The following DEPDC5 variants were observed in gnomAD, a reference collection of about 807,000 sequenced individuals.
The protein encoded by DEPDC5 is GATOR1 complex protein DEPDC5.
In DEPDC5, 73 loss-of-function variants were observed where a neutral mutation model predicts 217.3. That is an observed-to-expected ratio of 0.34 (90% CI 0.28 to 0.41). The LOEUF (loss-of-function observed/expected upper bound fraction) is 0.41. DEPDC5 is among the 10% of genes least tolerant of loss of function. The pLI is 1.00. For synonymous variants in DEPDC5, 733 were observed against 756.7 expected (o/e 0.97, Z 0.51); for missense variants, 1,675 against 2,070.1 (o/e 0.81, Z 3.70).
chr22:31,800,987 C>CT lies in DEPDC5; in HGVS notation c.947-1703dup, dbSNP rs772458096. Among the ~76,000 whole-genome samples, 1,057 of 141,172 alleles carry CT rather than the reference C, an allele frequency of 7.5e-3. 9 individuals carry two copies. Among genetic ancestry groups the CT allele is most frequent in the African/African-American group, 0.022 (846 of 38,616 alleles). The allele number at this position is 141,172 out of a possible 152,430, so 92.6% of individuals were successfully genotyped here. ...AAAGACACTATCTCAAAAAAAAATT[C>CT]TTTTTTTTTTTTTTAAATAAATAGG... On this transcript the variant is annotated intron_variant, in intron 14 of 42. Coordinates refer to ENST00000651528, the MANE Select transcript of DEPDC5 (RefSeq NM_001242896.3).
At chr22:31,882,730 G>C (rs141986686) in intron 38 of DEPDC5, among the ~76,000 whole-genome samples, 3 of 152,144 alleles carry the variant, frequency 2.0e-5, no homozygotes, top group African/African-American at 7.2e-5. Flanking sequence ...ACTATCATTT[G>C]TTCATTCTTT....
chr22:31,905,174 T>C (rs887668373), intron 41 of DEPDC5, among the ~76,000 whole-genome samples: 1 of 152,070 alleles, frequency 6.6e-6, no homozygotes, highest in African/African-American at 2.4e-5. Flanking sequence ...GAGCCCCAGC[T>C]TGGCGTTCCT....
chr22:31,893,786 C>T, intron 39 of DEPDC5, 35 bp downstream of exon 39: 3 of 1,530,974 alleles, frequency 2.0e-6, no homozygotes, highest in Non-Finnish European at 2.6e-6. Flanking sequence ...AGGCCTTTGG[C>T]TCACCTCACA....
chr22:31,815,006 G>C lies in DEPDC5; in HGVS notation c.1460G>C (p.Arg487Pro), dbSNP rs775080915. The C allele has an allele frequency of 6.2e-7, 1 of 1,614,084 alleles. No individual in the cohort carries two copies. The highest frequency in any genetic ancestry group is 8.5e-7 in the Non-Finnish European group (1 of 1,179,966). Reference protein sequence around the residue: ...CLTTCRSVRERESHSRKSASS... With the variant: ...CLTTCRSVREPESHSRKSASS... ...TTGCCTGGCAGATCTGTGCGAGAGC[G>C]AGAGAGTCACAGTCGAAAGAGTGCC... is the stretch of plus-strand genomic sequence containing the variant. Residue 487 changes from arginine (R) to proline (P), a missense_variant, in exon 21 of 43, where the codon CGA (arginine) becomes CCA (proline). Transcript: ENST00000651528.
chr22:31,787,494 G>T (rs1198099478), intron 10 of DEPDC5, among the ~76,000 whole-genome samples: 3 of 152,144 alleles, frequency 2.0e-5, no homozygotes, highest in African/African-American at 7.2e-5. Context: ...AAACTTTTGT[G>T]CATCAACGGA....
At chr22:31,796,521 G>A (rs1685102612) in intron 12 of DEPDC5, among the ~76,000 whole-genome samples, 2 of 152,106 alleles carry the variant, frequency 1.3e-5, no homozygotes, top group South Asian at 2.1e-4. Flanking sequence ...TTTACAGATA[G>A]GTTTTTAAGC....
At chr22:31,839,716 GC>G (rs1453193796) in intron 27 of DEPDC5, among the ~76,000 whole-genome samples, 2 of 152,166 alleles carry the variant, frequency 1.3e-5, no homozygotes, top group African/African-American at 2.4e-5. Context: ...ATCACATGTT[GC>G]CTTGTATTCA....
At chr22:31,785,988 T>C (rs2084941782) in intron 10 of DEPDC5, among the ~76,000 whole-genome samples, 1 of 152,132 alleles carries the variant, frequency 6.6e-6, no homozygotes, top group Non-Finnish European at 1.5e-5. Flanking sequence ...TAAAGTCATC[T>C]GGGTGCGGTG....
intron 25 of DEPDC5, among the ~76,000 whole-genome samples, chr22:31,835,394 G>T (rs994199145): frequency 6.6e-6 from 1 of 152,142 alleles, no homozygotes. Context: ...AGATACTGGG[G>T]TTAGAAAAGA....
intron 9 of DEPDC5, chr22:31,784,259 G>T: frequency 3.9e-6 from 1 of 258,342 alleles, no homozygotes; most frequent in Non-Finnish European, 7.3e-6. Flanking sequence ...AAAAAATAAA[G>T]AAATAAATAA....
chr22:31,824,686 A>G (rs1464575129), intron 24 of DEPDC5, among the ~76,000 whole-genome samples: 1 of 151,870 alleles, frequency 6.6e-6, no homozygotes, highest in Admixed American at 6.6e-5. Flanking sequence ...GTAAATACCT[A>G]GCCGGGCACT....
chr22:31,781,140 C>T (rs781643807), intron 8 of DEPDC5, among the ~76,000 whole-genome samples: 110 of 150,978 alleles, frequency 7.3e-4, no homozygotes, highest in Non-Finnish European at 8.8e-5. Flanking sequence ...CTCTTGAACC[C>T]GGGAGGCAGA....
intron 8 of DEPDC5, among the ~76,000 whole-genome samples, chr22:31,779,248 A>T (rs372355679): frequency 6.6e-6 from 1 of 152,172 alleles, no homozygotes; most frequent in East Asian, 1.9e-4. Flanking sequence ...GTAATTTCCT[A>T]TTGTTTACAT....
intron 22 of DEPDC5, 151 bp downstream of exon 22, chr22:31,819,376 T>C: frequency 1.3e-6 from 1 of 745,958 alleles, no homozygotes; most frequent in South Asian, 1.8e-5. Context: ...CCAGGGGTTC[T>C]TGTAAAGATC....
Position 31,792,013 on chromosome 22 carries a change from T to C in DEPDC5, c.625-20T>C. 3.8e-6 allele frequency: 6 copies of C among 1,584,708 alleles called. No homozygotes were observed. Among genetic ancestry groups the C allele is most frequent in the East Asian group, 2.2e-5 (1 of 44,684 alleles). On this transcript the variant is annotated intron_variant, in intron 10 of 42. Coordinates refer to ENST00000651528, the MANE Select transcript of DEPDC5 (RefSeq NM_001242896.3). ...TAAATGAAACAAACTTCAACCCTGT[T>C]GTTCTCTACTCATGCTTAGGAGAAG...
chr22:31,897,559 C>A lies in DEPDC5; in HGVS notation c.4281C>A (p.Pro1427=). The A allele has an allele frequency of 3.7e-6, 6 of 1,614,144 alleles. No individual in the cohort carries two copies. Among genetic ancestry groups the A allele is most frequent in the Non-Finnish European group, 5.1e-6 (6 of 1,180,026 alleles). Residue 1427 remains proline, a synonymous_variant, in exon 40 of 43, where the codon CCC becomes CCA. Transcript: ENST00000651528. ...TTTTGGAGGGGCCTTTTGCACTGCC[C>A]AGTTACCTGTATGGCGACCCCCTTC... is the stretch of plus-strand genomic sequence containing the variant. ...VPVLEGPFAL[P]SYLYGDPLRA... is the part of the protein sequence containing the mutation.
In DEPDC5 at chr22:31,802,765, C is replaced by T; in HGVS notation, c.1008C>T (p.Ile336=). The T allele has an allele frequency of 6.2e-7, 1 of 1,606,362 alleles. No individual in the cohort carries two copies. The highest frequency in any genetic ancestry group is 1.1e-5 in the South Asian group (1 of 89,262). The change falls in exon 15 of 43, where the codon ATC becomes ATT. Residue 336 remains isoleucine, a synonymous_variant. Transcript: ENST00000651528. ...FDRTGQMSVV[I]TPGVGVFEVD... is the part of the protein sequence containing the mutation. The stretch of plus-strand genomic sequence containing the variant: ...GAACTGGGCAGATGTCAGTGGTGAT[C>T]ACGCCCGGGGTGGGTGTCTTTGAAG...
intron 22 of DEPDC5, among the ~76,000 whole-genome samples, chr22:31,820,173 G>A (rs1199752842): frequency 2.0e-5 from 3 of 152,096 alleles, no homozygotes; most frequent in Admixed American, 6.6e-5. Context: ...GTACAGTGGC[G>A]TGATCTCAGA....
At chr22:31,844,106 A>G (rs2091567045) in intron 29 of DEPDC5, among the ~76,000 whole-genome samples, 2 of 152,080 alleles carry the variant, frequency 1.3e-5, no homozygotes, top group Admixed American at 1.3e-4. Flanking sequence ...CGTGCCTGTA[A>G]TCCCAACTAC....
Sources: allele counts gnomAD v4.1 joint callset (sites outside exome capture counted in the v4.1 genomes callset), GRCh38; gene constraint gnomAD v4.1.1; transcripts MANE v1.5; gene names NCBI Gene and HGNC (gene_info 2026-07-23, HGNC 2026-07-21).